Variants in ST6GAL2 observed in about 807,000 individuals in gnomAD.
ST6GAL2 encodes the protein ST6 beta-galactoside alpha-2,6-sialyltransferase 2, also known as beta-galactoside alpha-2,6-sialyltransferase 2.
In ST6GAL2, 24 loss-of-function variants were observed where a neutral mutation model predicts 37.5. That is an observed-to-expected ratio of 0.64 (90% CI 0.46 to 0.90). ST6GAL2 has a LOEUF of 0.90. ST6GAL2 is among the 40% of genes least tolerant of loss of function. The pLI is 0.00. For missense variants in ST6GAL2, 715 were observed against 712.7 expected (o/e 1.00, Z -0.04); for synonymous variants, 306 against 295.1 (o/e 1.04, Z -0.38).
chr2:106,859,882 A>T (rs746831618), intron 1 of ST6GAL2, among the ~76,000 whole-genome samples: 18 of 119,746 alleles, frequency 1.5e-4, no homozygotes, highest in Non-Finnish European at 2.1e-4. Context: ...ACTTCAAATT[A>T]AAAAAAAAAA....
intron 1 of ST6GAL2, among the ~76,000 whole-genome samples, chr2:106,872,521 A>G (rs1207768354): frequency 1.3e-5 from 2 of 152,328 alleles, no homozygotes; most frequent in Non-Finnish European, 2.9e-5. Flanking sequence ...CCTCACTTGT[A>G]CGAGAGGTCC....
At chr2:106,865,918 G>A (rs567505322) in intron 1 of ST6GAL2, among the ~76,000 whole-genome samples, 1 of 152,260 alleles carries the variant, frequency 6.6e-6, no homozygotes, top group South Asian at 2.1e-4. Flanking sequence ...ATAAAATTTT[G>A]TTTGCAGCCT....
In ST6GAL2 at chr2:106,802,039, C is replaced by T. The variant is rs1273064012; in HGVS notation, c.*4639G>A. On this transcript the variant is annotated 3_prime_UTR_variant, in exon 6 of 6. Coordinates refer to ENST00000409382, the MANE Select transcript of ST6GAL2 (RefSeq NM_001142351.2). The stretch of plus-strand genomic sequence containing the variant: ...TTCCCTTCAAAGTTCAGTGTTAAAT[C>T]AGGCTTCTGACTAGGATAAAATATT... 6.6e-6 allele frequency: 1 copy of T among 152,198 alleles called. No individual in the cohort carries two copies. 9.4% of individuals were successfully genotyped at this position (152,198 alleles called of 1,614,324 possible). A position where few individuals can be genotyped will look rare whatever the true frequency, so the allele number is the denominator to read the frequency against.
chr2:106,855,292 G>A (rs1327519674), intron 1 of ST6GAL2, among the ~76,000 whole-genome samples: 1 of 152,222 alleles, frequency 6.6e-6, no homozygotes, highest in Non-Finnish European at 1.5e-5. Context: ...TCAGAGGACT[G>A]CAAAGGCCCC....
At chr2:106,833,971 C>T (rs185694162) in intron 3 of ST6GAL2, 78 bp downstream of exon 3, 95 of 1,040,590 alleles carry the variant, frequency 9.1e-5, no homozygotes, top group Middle Eastern at 2.1e-4. Flanking sequence ...TTCACTCATC[C>T]GGTTAAACTC....
intron 1 of ST6GAL2, among the ~76,000 whole-genome samples, chr2:106,851,806 GTATT>G (rs1677375882): frequency 6.6e-6 from 1 of 151,798 alleles, no homozygotes; most frequent in South Asian, 2.1e-4. Flanking sequence ...CTAAGTCTAA[GTATT>G]TATTTTAATG....
At chr2:106,850,271 T>C (rs994308499) in intron 1 of ST6GAL2, among the ~76,000 whole-genome samples, 1 of 152,142 alleles carries the variant, frequency 6.6e-6, no homozygotes, top group Non-Finnish European at 1.5e-5. Flanking sequence ...GGGGGCTGCG[T>C]TGGTGCCAGG....
intron 5 of ST6GAL2, among the ~76,000 whole-genome samples, chr2:106,810,834 C>T (rs1486231928): frequency 6.6e-6 from 1 of 152,224 alleles, no homozygotes. Flanking sequence ...TGCCTGTGGT[C>T]GCAGCTACTC....
chr2:106,864,942 G>A (rs945364117), intron 1 of ST6GAL2, among the ~76,000 whole-genome samples: 7 of 152,130 alleles, frequency 4.6e-5, no homozygotes, highest in African/African-American at 1.7e-4. Context: ...AGGGGGAGTG[G>A]AGGAAGAACC....
At chr2:106,814,808 A>G (rs1312009102) in intron 5 of ST6GAL2, among the ~76,000 whole-genome samples, 1 of 152,240 alleles carries the variant, frequency 6.6e-6, no homozygotes, top group Non-Finnish European at 1.5e-5. Flanking sequence ...CAAGTAAATT[A>G]TTCCTTATCC....
At chr2:106,864,291 A>T (rs1677933195) in intron 1 of ST6GAL2, among the ~76,000 whole-genome samples, 1 of 152,184 alleles carries the variant, frequency 6.6e-6, no homozygotes. Context: ...TGTTTTCTTA[A>T]GCCTCCTGCT....
intron 5 of ST6GAL2, among the ~76,000 whole-genome samples, chr2:106,829,203 A>T (rs1178509600): frequency 1.3e-5 from 2 of 152,160 alleles, no homozygotes; most frequent in Admixed American, 6.5e-5. Flanking sequence ...TTCCCTCAAG[A>T]GGCGGGGGTC....
intron 5 of ST6GAL2, 83 bp downstream of exon 5, chr2:106,829,983 T>A: frequency 7.6e-7 from 1 of 1,321,900 alleles, no homozygotes; most frequent in Non-Finnish European, 1.1e-6. Flanking sequence ...TTTCAACCTG[T>A]ATAACACGAC....
intron 5 of ST6GAL2, among the ~76,000 whole-genome samples, chr2:106,827,325 T>C (rs1208966488): frequency 2.0e-5 from 3 of 152,190 alleles, no homozygotes; most frequent in African/African-American, 7.2e-5. Flanking sequence ...AGCCTATTTA[T>C]GATCAAGATC....
chr2:106,878,432 C>G (rs1048811995), intron 1 of ST6GAL2, among the ~76,000 whole-genome samples: 2 of 152,116 alleles, frequency 1.3e-5, no homozygotes, highest in African/African-American at 4.8e-5. Context: ...CCACTGTACT[C>G]CAGCCTAGGC....
chr2:106,845,158 T>G (rs1677092097), intron 1 of ST6GAL2, among the ~76,000 whole-genome samples: 1 of 152,154 alleles, frequency 6.6e-6, no homozygotes, highest in Admixed American at 6.5e-5. Context: ...GGGCCTTGTG[T>G]GTCTGTGGCT....
chr2:106,867,901 C>T (rs989935847), intron 1 of ST6GAL2, among the ~76,000 whole-genome samples: 10 of 152,130 alleles, frequency 6.6e-5, no homozygotes, highest in African/African-American at 2.4e-4. Flanking sequence ...CTCTCCCTCC[C>T]CCCACAAAAG....
chr2:106,861,700 G>A (rs555183219), intron 1 of ST6GAL2, among the ~76,000 whole-genome samples: 4 of 150,958 alleles, frequency 2.6e-5, no homozygotes, highest in South Asian at 4.2e-4. Flanking sequence ...CCGTGATCTC[G>A]GCTAACTTCA....
At chr2:106,830,022 C>A in intron 5 of ST6GAL2, 44 bp downstream of exon 5, 1 of 1,553,662 alleles carries the variant, frequency 6.4e-7, no homozygotes, top group Non-Finnish European at 8.9e-7. Flanking sequence ...TAGATATCAT[C>A]CTGTCTGCCC....
Sources: allele counts gnomAD v4.1 joint callset (sites outside exome capture counted in the v4.1 genomes callset), GRCh38; gene constraint gnomAD v4.1.1; transcripts MANE v1.5; gene names NCBI Gene and HGNC (gene_info 2026-07-23, HGNC 2026-07-21).